Variants in CERT1 observed in about 807,000 individuals in gnomAD.
The protein encoded by CERT1 is ceramide transporter 1, also known as ceramide transfer protein.
In CERT1, 31 loss-of-function variants were observed where a neutral mutation model predicts 87.9. The ratio of observed to expected loss-of-function variants is 0.35; its 90% CI spans 0.27 to 0.48. CERT1 has a LOEUF of 0.48. Ranked by LOEUF, CERT1 falls within the 20% of genes least tolerant of loss-of-function variation. CERT1 has a pLI of 0.99. For synonymous variants in CERT1, 289 were observed against 250.9 expected, an observed-to-expected ratio of 1.15 and a Z score of -1.44; for missense variants, 487 against 758.0, an observed-to-expected ratio of 0.64 and a Z score of 4.20.
intron 12 of CERT1, among the ~76,000 whole-genome samples, chr5:75,388,599 C>CATATATATATATATAT (rs59799780): frequency 6.2e-4 from 57 of 91,826 alleles, no homozygotes; most frequent in Non-Finnish European, 9.5e-4. Context: ...AGCATGCATG[C>CATATATATATATATAT]ATATATATAT....
At chr5:75,489,283 C>T (rs1449370992) in intron 2 of CERT1, among the ~76,000 whole-genome samples, 2 of 152,162 alleles carry the variant, frequency 1.3e-5, no homozygotes, top group African/African-American at 4.8e-5. Context: ...AGACCCAAAA[C>T]CATAAAAACC....
At chr5:75,440,969 T>C (rs886090178) in intron 3 of CERT1, among the ~76,000 whole-genome samples, 5 of 152,130 alleles carry the variant, frequency 3.3e-5, no homozygotes, top group African/African-American at 7.2e-5. Flanking sequence ...TAATAAGGTC[T>C]TGGTAGAGGT....
At chr5:75,474,844 TTAGA>T (rs1765888584) in intron 2 of CERT1, among the ~76,000 whole-genome samples, 1 of 65,136 alleles carries the variant, frequency 1.5e-5, no homozygotes, top group Non-Finnish European at 2.5e-5. Flanking sequence ...ATGTAGTCTA[TTAGA>T]CTATATGAGT....
At chr5:75,473,115 C>G (rs1308450622) in intron 2 of CERT1, among the ~76,000 whole-genome samples, 1 of 152,100 alleles carries the variant, frequency 6.6e-6, no homozygotes. Context: ...GGGTCTTGCT[C>G]TGTTGCCCAG....
Position 75,402,626 on chromosome 5 carries a change from G to A in CERT1, c.1017+346C>T, listed in dbSNP as rs190733684. On this transcript the variant is annotated intron_variant, in intron 9 of 16. Transcript: ENST00000643780. Reference sequence around the variant, plus strand: ...AGCCTGGCCAATATGGTAAAACCCCGTCTCTACTAAAAACACAAAAAAATT... The same window carrying A: ...AGCCTGGCCAATATGGTAAAACCCCATCTCTACTAAAAACACAAAAAAATT... 7.9e-4 allele frequency: 133 copies of A among 169,344 alleles called. 3 individuals are homozygous for A. In the East Asian group the frequency reaches 0.017, roughly 22 times the overall value. The allele number at this position is 169,344 out of a possible 1,614,324, so 10.5% of individuals were successfully genotyped here. A position where few individuals can be genotyped will look rare whatever the true frequency, so the allele number is the denominator to read the frequency against.
intron 8 of CERT1, among the ~76,000 whole-genome samples, chr5:75,410,471 G>A (rs967749013): frequency 7.9e-5 from 12 of 152,004 alleles, no homozygotes; most frequent in Non-Finnish European, 1.3e-4. Context: ...TTAGCCAGGC[G>A]TGGTGGCGGG....
chr5:75,476,111 A>G (rs868756030), intron 2 of CERT1, among the ~76,000 whole-genome samples: 21 of 152,212 alleles, frequency 1.4e-4, no homozygotes, highest in Admixed American at 2.0e-4. Flanking sequence ...GTCTCTATCA[A>G]TTCATAGGGA....
chr5:75,481,350 A>G (rs931565714), intron 2 of CERT1, among the ~76,000 whole-genome samples: 1 of 152,218 alleles, frequency 6.6e-6, no homozygotes, highest in Non-Finnish European at 1.5e-5. Context: ...TCCCTGAAAT[A>G]AGGATATATC....
chr5:75,384,876 G>T (rs1761723328), intron 13 of CERT1, among the ~76,000 whole-genome samples, 164 bp from the exon 14 acceptor site: 1 of 152,068 alleles, frequency 6.6e-6, no homozygotes, highest in Non-Finnish European at 1.5e-5. Flanking sequence ...TTAGTATTAT[G>T]GTTACAGATT....
intron 3 of CERT1, among the ~76,000 whole-genome samples, chr5:75,434,629 C>G (rs1415457325): frequency 1.3e-5 from 2 of 149,972 alleles, no homozygotes; most frequent in Admixed American, 1.3e-4. Context: ...ACGGCTTTTT[C>G]TGATTGGTAG....
At chr5:75,508,207 A>G (rs1767745776) in intron 1 of CERT1, among the ~76,000 whole-genome samples, 2 of 152,220 alleles carry the variant, frequency 1.3e-5, no homozygotes, top group Non-Finnish European at 1.5e-5. Context: ...TCATAAGGCT[A>G]AACTTTGTGA....
intron 3 of CERT1, 81 bp from the exon 4 acceptor site, chr5:75,426,559 A>C (rs1763628762): frequency 1.0e-6 from 1 of 984,782 alleles, no homozygotes; most frequent in Non-Finnish European, 1.6e-6. Flanking sequence ...TGAATTAACA[A>C]GGTTATTATA....
rs1321597089 is a variant in CERT1 at position 75,511,426 on chromosome 5, T to C, written c.-219A>G. 1.3e-6 allele frequency: 2 copies of C among 1,542,080 alleles called. No homozygotes were observed. The highest frequency in any genetic ancestry group is 1.7e-6 in the Non-Finnish European group (2 of 1,143,764). On this transcript the variant is annotated 5_prime_UTR_variant, in exon 1 of 17. Coordinates refer to ENST00000643780, the MANE Select transcript of CERT1 (RefSeq NM_001379029.1). The stretch of plus-strand genomic sequence containing the variant: ...AGGAGGACGAGCGGTGAAGGAAGCC[T>C]ACCCTTCCAGCCGTCAGCCGCCGCC...
intron 12 of CERT1, among the ~76,000 whole-genome samples, chr5:75,386,534 A>G (rs558205043): frequency 6.6e-6 from 1 of 152,372 alleles, no homozygotes; most frequent in African/African-American, 2.4e-5. Flanking sequence ...CTTGCTTTAA[A>G]TACTGAGGTT....
intron 2 of CERT1, among the ~76,000 whole-genome samples, chr5:75,468,671 C>T (rs1384891596): frequency 2.0e-5 from 3 of 152,052 alleles, no homozygotes; most frequent in Non-Finnish European, 2.9e-5. Flanking sequence ...CTGTGCCAGC[C>T]GTGGTAACAA....
chr5:75,413,604 C>T (rs562261495), intron 7 of CERT1, among the ~76,000 whole-genome samples: 54 of 152,084 alleles, frequency 3.6e-4, no homozygotes, highest in African/African-American at 1.3e-3. Flanking sequence ...CTGGACAACA[C>T]AGTGAGACCC....
chr5:75,470,382 T>C (rs1273422911), intron 2 of CERT1, among the ~76,000 whole-genome samples: 1 of 152,078 alleles, frequency 6.6e-6, no homozygotes, highest in Non-Finnish European at 1.5e-5. Context: ...TAGAAGTCAA[T>C]AAAAGGAGGA....
At chr5:75,509,459 T>C (rs1183302676) in intron 1 of CERT1, among the ~76,000 whole-genome samples, 2 of 152,172 alleles carry the variant, frequency 1.3e-5, no homozygotes, top group African/African-American at 2.4e-5. Flanking sequence ...TTTATTCCTA[T>C]TCATTCTACA....
At chr5:75,466,388 A>G (rs1248429500) in intron 2 of CERT1, among the ~76,000 whole-genome samples, 1 of 152,172 alleles carries the variant, frequency 6.6e-6, no homozygotes, top group African/African-American at 2.4e-5. Flanking sequence ...CCAGCTACGC[A>G]TGCGCCACTT....
Sources: gnomAD v4.1 joint callset for allele counts (sites outside exome capture counted in the v4.1 genomes callset) on GRCh38, gnomAD v4.1.1 for gene constraint, MANE v1.5 for transcripts, NCBI Gene and HGNC (gene_info 2026-07-23, HGNC 2026-07-21) for gene names.